PPP1R12A: variants seen among roughly 807,000 people sequenced by gnomAD.
PPP1R12A encodes the protein protein phosphatase 1 regulatory subunit 12A.
In PPP1R12A, 19 loss-of-function variants were observed where a neutral mutation model predicts 139.6. The observed-to-expected ratio is 0.14, with a 90% confidence interval of 0.09 to 0.20. The LOEUF is 0.20. Ranked by LOEUF, PPP1R12A falls within the 10% of genes least tolerant of loss-of-function variation. PPP1R12A has a pLI of 1.00. For synonymous variants in PPP1R12A, 427 were observed against 420.6 expected, an observed-to-expected ratio of 1.02 and a Z score of -0.19; for missense variants, 925 against 1,211.5, an observed-to-expected ratio of 0.76 and a Z score of 3.51.
chr12:79,865,363 T>C (rs1881846766), intron 2 of PPP1R12A, among the ~76,000 whole-genome samples: 1 of 152,160 alleles, frequency 6.6e-6, no homozygotes, highest in South Asian at 2.1e-4. Flanking sequence ...GCCAATATCG[T>C]ATTGAATGGG....
At chr12:79,924,215 AAG>A (rs1361880853) in intron 1 of PPP1R12A, among the ~76,000 whole-genome samples, 12 of 152,344 alleles carry the variant, frequency 7.9e-5, no homozygotes, top group Admixed American at 5.2e-4. Context: ...TGATGGTTCA[AAG>A]AGTTAAACAG....
At chr12:79,791,995 TA>T (rs949637264) in intron 19 of PPP1R12A, among the ~76,000 whole-genome samples, 6 of 152,194 alleles carry the variant, frequency 3.9e-5, no homozygotes, top group African/African-American at 1.4e-4. Flanking sequence ...TTTTTAAAGA[TA>T]AAAAAGATTA....
chr12:79,905,022 T>C (rs1885974130), intron 1 of PPP1R12A, among the ~76,000 whole-genome samples: 1 of 152,226 alleles, frequency 6.6e-6, no homozygotes, highest in South Asian at 2.1e-4. Context: ...TTTAACACTT[T>C]ATATTGTAAT....
At chr12:79,790,245 T>C (rs1212704017) in intron 20 of PPP1R12A, among the ~76,000 whole-genome samples, 2 of 152,312 alleles carry the variant, frequency 1.3e-5, no homozygotes, top group South Asian at 2.1e-4. Context: ...TGGAATACCT[T>C]TGTTGTAGAG....
intron 2 of PPP1R12A, among the ~76,000 whole-genome samples, chr12:79,868,210 GC>G (rs1314510260): frequency 6.6e-6 from 1 of 152,130 alleles, no homozygotes; most frequent in Non-Finnish European, 1.5e-5. Context: ...TATAATTTAT[GC>G]CACAGATGTA....
At chr12:79,818,991 G>C (rs1875748871) in intron 8 of PPP1R12A, 1 of 152,194 alleles carries the variant, frequency 6.6e-6, no homozygotes, top group Non-Finnish European at 1.5e-5. Context: ...AAGAGAGTGA[G>C]AGGAAAGGAA....
rs1242116546 is a variant in PPP1R12A at position 79,774,548 on chromosome 12, T to G, written c.*1381A>C. The G allele has an allele frequency of 6.6e-6, 1 of 152,506 alleles. No homozygotes were observed. The highest frequency in any genetic ancestry group is 1.5e-5 in the Non-Finnish European group (1 of 67,968). The allele number at this position is 152,506 out of a possible 1,614,324, so 9.4% of individuals were successfully genotyped here. A position where few individuals can be genotyped will look rare whatever the true frequency, so the allele number is the denominator to read the frequency against. On this transcript the variant is annotated 3_prime_UTR_variant, in exon 25 of 25. Transcript: ENST00000450142. The stretch of plus-strand genomic sequence containing the variant: ...ATGTGCCAGAAAGATGTAGTATTTT[T>G]TGCATGGTTTAATGAAAATATAAAA...
chr12:79,906,222 T>C (rs2137500296), intron 1 of PPP1R12A, among the ~76,000 whole-genome samples: 1 of 152,128 alleles, frequency 6.6e-6, no homozygotes, highest in South Asian at 2.1e-4. Flanking sequence ...CAAATTAATA[T>C]TAATGATAAA....
chr12:79,824,028 A>G (rs1876466378), intron 5 of PPP1R12A: 2 of 152,234 alleles, frequency 1.3e-5, no homozygotes, highest in Admixed American at 1.3e-4. Context: ...AATTTAAGAG[A>G]CAATCTATCC....
rs553275876 is a variant in PPP1R12A, at chr12:79,790,806, T to C, written c.2650-323A>G. 9.8e-5 allele frequency among the ~76,000 whole-genome samples: 15 copies of C among 152,310 alleles called. 1 individual carries two copies. The South Asian group carries it at 3.1e-3, about 32-fold the overall frequency. ...AAAACAGTCTTACTGGGGGCCAAAG[T>C]AGTCTTTTTCAGTAGTCAAATTTAG... On this transcript the variant is annotated intron_variant, in intron 19 of 24. Coordinates refer to ENST00000450142, the MANE Select transcript of PPP1R12A (RefSeq NM_002480.3).
intron 1 of PPP1R12A, among the ~76,000 whole-genome samples, chr12:79,892,790 C>T (rs1044541256): frequency 6.6e-6 from 1 of 152,024 alleles, no homozygotes; most frequent in Non-Finnish European, 1.5e-5. Context: ...CATGAAACTA[C>T]TGAATGGCAA....
At chr12:79,789,894 C>T (rs1352274890) in intron 20 of PPP1R12A, among the ~76,000 whole-genome samples, 3 of 151,394 alleles carry the variant, frequency 2.0e-5, no homozygotes, top group Non-Finnish European at 2.9e-5. Flanking sequence ...ATCCTTCTGA[C>T]TCAGCCTCCC....
At chr12:79,796,468 A>T (rs1872530805) in intron 17 of PPP1R12A, among the ~76,000 whole-genome samples, 1 of 152,188 alleles carries the variant, frequency 6.6e-6, no homozygotes, top group African/African-American at 2.4e-5. Context: ...AGCTTAAAGC[A>T]TCTGAGAAGT....
chr12:79,901,094 C>G (rs752345758), intron 1 of PPP1R12A, among the ~76,000 whole-genome samples: 1 of 152,058 alleles, frequency 6.6e-6, no homozygotes, highest in Non-Finnish European at 1.5e-5. Flanking sequence ...AGAACCGTTA[C>G]AGAAATATGA....
At chr12:79,909,850 C>G (rs960616180) in intron 1 of PPP1R12A, among the ~76,000 whole-genome samples, 2 of 151,832 alleles carry the variant, frequency 1.3e-5, no homozygotes, top group Non-Finnish European at 2.9e-5. Flanking sequence ...CTCTGTCGCC[C>G]AGGCATCATA....
At chr12:79,890,523 T>G (rs1336321492) in intron 1 of PPP1R12A, among the ~76,000 whole-genome samples, 3 of 152,158 alleles carry the variant, frequency 2.0e-5, no homozygotes, top group Non-Finnish European at 2.9e-5. Flanking sequence ...TTACCCAAAT[T>G]TGAACCGTTA....
At chr12:79,869,899 G>T (rs1222580824) in intron 2 of PPP1R12A, among the ~76,000 whole-genome samples, 2 of 134,726 alleles carry the variant, frequency 1.5e-5, no homozygotes, top group African/African-American at 6.8e-5. Context: ...TATAACTATT[G>T]TCTCTATTAT....
At chr12:79,869,024 G>C (rs1174749202) in intron 2 of PPP1R12A, among the ~76,000 whole-genome samples, 2 of 152,142 alleles carry the variant, frequency 1.3e-5, no homozygotes, top group Non-Finnish European at 2.9e-5. Context: ...ATAAAATCAG[G>C]CTCCACAAAC....
chr12:79,812,884 A>T (rs866700116), intron 9 of PPP1R12A, among the ~76,000 whole-genome samples: 3 of 152,036 alleles, frequency 2.0e-5, no homozygotes, highest in Admixed American at 1.3e-4. Flanking sequence ...TCCATCCATA[A>T]ATTAGAGGTC....
Sources: allele counts gnomAD v4.1 joint callset (sites outside exome capture counted in the v4.1 genomes callset), GRCh38; gene constraint gnomAD v4.1.1; transcripts MANE v1.5; gene names NCBI Gene and HGNC (gene_info 2026-07-23, HGNC 2026-07-21).